Variants in TOP2A observed in about 807,000 individuals in gnomAD.
TOP2A encodes the protein DNA topoisomerase 2-alpha.
Under a neutral mutation model 187.2 loss-of-function variants are expected in TOP2A, and 68 were observed. That is an observed-to-expected ratio of 0.36 (90% CI 0.30 to 0.44). The LOEUF is 0.44. TOP2A is among the 20% of genes least tolerant of loss of function. The pLI, the probability that TOP2A is intolerant of heterozygous loss-of-function variation, is 1.00. For synonymous variants in TOP2A, 542 were observed against 593.2 expected, an observed-to-expected ratio of 0.91 and a Z score of 1.25; for missense variants, 1,196 against 1,808.7, an observed-to-expected ratio of 0.66 and a Z score of 6.14.
In TOP2A at chr17:40,396,378, C is replaced by T. The variant is rs762498516; in HGVS notation, c.3625G>A (p.Glu1209Lys). Reference protein sequence around the residue: ...KAKGKKTQMAEVLPSPRGQRV... With the variant: ...KAKGKKTQMAKVLPSPRGQRV... ...TGACCACGCGGAGAAGGCAAAACTTCAGCCATTTGTGTTTTTTTCCCCTTG... is the reference window on the plus strand; with the variant it reads ...TGACCACGCGGAGAAGGCAAAACTTTAGCCATTTGTGTTTTTTTCCCCTTG... Residue 1209 changes from glutamate (E) to lysine (K), a missense_variant, in exon 28 of 35, where the codon GAA (glutamate) becomes AAA (lysine). By Grantham distance (56) the Glu-to-Lys change is moderately conservative (BLOSUM62 1). This residue lies in a region of TOP2A where 374 missense variants were observed against 403.3 expected (regional missense o/e 0.93). Transcript: ENST00000423485. 14 of 1,613,880 alleles carry T rather than the reference C, an allele frequency of 8.7e-6. No homozygotes were observed. Among genetic ancestry groups the T allele is most frequent in the Middle Eastern group, 1.6e-4 (1 of 6,084 alleles).
rs187725780 is a variant in TOP2A at position 40,410,235 on chromosome 17, C to T, written c.1203+874G>A. Among the ~76,000 whole-genome samples the T allele has an allele frequency of 2.0e-5, 3 of 152,142 alleles. No homozygotes were observed. The East Asian group carries it at 5.8e-4, about 29-fold the overall frequency. Reference sequence around the variant, plus strand: ...AGTAAAGGCTTTCCTGAGGAAAGGACAAGACCTAAAGTAGCCAGGTGAAAA... The same window carrying T: ...AGTAAAGGCTTTCCTGAGGAAAGGATAAGACCTAAAGTAGCCAGGTGAAAA... On this transcript the variant is annotated intron_variant, in intron 10 of 34. Transcript: ENST00000423485.
intron 19 of TOP2A, among the ~76,000 whole-genome samples, chr17:40,403,348 A>T (rs1293752054): frequency 3.3e-5 from 5 of 152,190 alleles, no homozygotes; most frequent in Non-Finnish European, 7.3e-5. Flanking sequence ...GTTCATTTCT[A>T]TTCTAGCATG....
intron 12 of TOP2A, 29 bp from the exon 13 acceptor site, chr17:40,407,703 T>C: frequency 6.5e-7 from 1 of 1,540,786 alleles, no homozygotes; most frequent in Non-Finnish European, 8.7e-7. Flanking sequence ...AAAAAAAGCA[T>C]CGTTTATAAA....
chr17:40,397,051 T>TA (rs1327452891), intron 27 of TOP2A, among the ~76,000 whole-genome samples: 2 of 151,472 alleles, frequency 1.3e-5, no homozygotes, highest in African/African-American at 2.4e-5. Flanking sequence ...CCTGGCTATT[T>TA]AAAAAAAACA....
At position 40,396,315 on chromosome 17, in the gene TOP2A, C is replaced by G. The variant is rs757160871; in HGVS notation, c.3688G>C (p.Glu1230Gln). Residue 1230 changes from glutamate (E) to glutamine (Q), a missense_variant, in exon 28 of 35, where the codon GAG (glutamate) becomes CAG (glutamine). Physicochemically the swap from Glu to Gln is conservative, Grantham distance 29 (BLOSUM62 2). Transcript: ENST00000423485. ...IPRITIEMKAEAEKKNKKKIK... is the reference protein window; with the variant it reads ...IPRITIEMKAQAEKKNKKKIK... Reference sequence around the variant, plus strand: ...TTCTTTTTATTTTTCTTTTCTGCCTCTGCTTTCATTTCTATGGTTATTCGT... The same window carrying G: ...TTCTTTTTATTTTTCTTTTCTGCCTGTGCTTTCATTTCTATGGTTATTCGT... The G allele has an allele frequency of 6.2e-7, 1 of 1,607,996 alleles. No individual in the cohort carries two copies. Among genetic ancestry groups the G allele is most frequent in the South Asian group, 1.1e-5 (1 of 90,900 alleles).
intron 10 of TOP2A, 94 bp from the exon 11 acceptor site, chr17:40,408,724 A>C (rs1029423823): frequency 7.5e-7 from 1 of 1,330,798 alleles, no homozygotes; most frequent in Admixed American, 1.8e-5. Context: ...ACAAATAAAA[A>C]TGATTCAAAA....
At chr17:40,396,609 A>C in intron 27 of TOP2A, 144 bp from the exon 28 acceptor site, 3 of 1,000,744 alleles carry the variant, frequency 3.0e-6, no homozygotes, top group African/African-American at 1.6e-5. Context: ...ACTATCAACA[A>C]TAGTGAAGAT....
chr17:40,417,462 G>A, intron 1 of TOP2A: 1 of 1,116,244 alleles, frequency 9.0e-7, no homozygotes, highest in South Asian at 1.8e-5. Flanking sequence ...GAAAGCATCT[G>A]TACGCGCGAC....
chr17:40,397,039 T>A (rs964988405), intron 27 of TOP2A, among the ~76,000 whole-genome samples: 1 of 151,766 alleles, frequency 6.6e-6, no homozygotes, highest in African/African-American at 2.4e-5. Context: ...CACACCACCA[T>A]GCCTGGCTAT....
intron 33 of TOP2A, chr17:40,391,209 C>G (rs190712613): frequency 4.0e-6 from 1 of 250,200 alleles, no homozygotes; most frequent in East Asian, 1.0e-4. Context: ...GCATGAGCCA[C>G]TCTGCCTGGC....
At chr17:40,408,887 G>A (rs747213129) in intron 10 of TOP2A, 11 of 583,264 alleles carry the variant, frequency 1.9e-5, no homozygotes, top group South Asian at 1.5e-4. Context: ...GCTACTTGTT[G>A]GAGATATAGT....
chr17:40,399,050 G>A lies in TOP2A; in HGVS notation c.3278C>T (p.Ala1093Val), dbSNP rs2143643442. Residue 1093 changes from alanine (A) to valine (V), a missense_variant, in exon 25 of 35, where the codon GCC becomes GTC. By Grantham distance (64) the Ala-to-Val change is moderately conservative (BLOSUM62 0). Transcript: ENST00000423485. ...DSDPVKAWKE[A>V]QQKVPDEEEN... ...GCCACCCAAGATTACCTTTTGCTGG[G>A]CTTCTTTCCAGGCCTTCACAGGATC... The A allele has an allele frequency of 6.3e-7, 1 of 1,591,612 alleles. No homozygotes were observed.
rs2143658945 is a variant in TOP2A, at chr17:40,404,603, TA to T, written c.2047-113del. 18 of 736,970 alleles carry T rather than the reference TA, an allele frequency of 2.4e-5. No individual in the cohort carries two copies. In the South Asian group the frequency reaches 3.4e-4, roughly 14 times the overall value. The allele number at this position is 736,970 out of a possible 1,614,324, so 45.7% of individuals were successfully genotyped here. ...ATTATTTCTGTAATTCTTAAGTCTT[TA>T]AAAAATATTGAATAATACAGAAATA... On this transcript the variant is annotated intron_variant, in intron 17 of 34. Coordinates refer to ENST00000423485, the MANE Select transcript of TOP2A (RefSeq NM_001067.4).
chr17:40,401,734 C>G (rs1252337103), intron 20 of TOP2A, among the ~76,000 whole-genome samples: 1 of 151,700 alleles, frequency 6.6e-6, no homozygotes. Context: ...CAACAAAAAA[C>G]AAACTGAGGG....
Position 40,389,400 on chromosome 17 carries a change from T to G in TOP2A, c.*119A>C. On this transcript the variant is annotated 3_prime_UTR_variant, in exon 35 of 35. Transcript: ENST00000423485. ...TGGGCTTTACTTCACTTTGATGTCT[T>G]GTACTAAAAACACCTTCCCCAAACT... 1 of 1,175,004 alleles carries G rather than the reference T, an allele frequency of 8.5e-7. No individual in the cohort carries two copies. Among genetic ancestry groups the G allele is most frequent in the East Asian group, 2.6e-5 (1 of 38,592 alleles). 72.8% of individuals were successfully genotyped at this position (1,175,004 alleles called of 1,614,324 possible). A position where few individuals can be genotyped will look rare whatever the true frequency, so the allele number is the denominator to read the frequency against.
intron 34 of TOP2A, 98 bp from the exon 35 acceptor site, chr17:40,389,745 C>T: frequency 1.0e-5 from 15 of 1,434,868 alleles, no homozygotes; most frequent in Non-Finnish European, 1.4e-5. Flanking sequence ...AAGGAGTTTT[C>T]TATTTTCTAC....
In TOP2A at chr17:40,404,162, T is replaced by C; in HGVS notation, c.2273A>G (p.His758Arg). The change falls in exon 19 of 35, where the codon CAT becomes CGT. Residue 758 changes from histidine (H) to arginine (R), a missense_variant. Coordinates refer to ENST00000423485, the MANE Select transcript of TOP2A (RefSeq NM_001067.4). The stretch of plus-strand genomic sequence containing the variant: ...GGATTGTGTGTTTACCTCACCATGA[T>C]GATAAGAAGACATTTCAGCCACTGA... ...AGSVAEMSSY[H>R]HGEMSLMMTI... The C allele has an allele frequency of 1.2e-6, 2 of 1,613,570 alleles. No homozygotes were observed. Among genetic ancestry groups the C allele is most frequent in the Non-Finnish European group, 1.7e-6 (2 of 1,179,774 alleles).
In TOP2A at chr17:40,403,067, A is replaced by G; in HGVS notation, c.2284-13T>C. On this transcript the variant is annotated splice_polypyrimidine_tract_variant and intron_variant, in intron 19 of 34. Transcript: ENST00000423485. Reference sequence around the variant, plus strand: ...TCATTAGTGACATCTGTGGGGAAAAAAAGATTCATTAAGCTGAGGCTTTTA... The same window carrying G: ...TCATTAGTGACATCTGTGGGGAAAAGAAGATTCATTAAGCTGAGGCTTTTA... 6.3e-7 allele frequency: 1 copy of G among 1,585,640 alleles called. No individual in the cohort carries two copies. The highest frequency in any genetic ancestry group is 1.1e-5 in the South Asian group (1 of 87,326).
At chr17:40,389,864 A>G in intron 34 of TOP2A, 101 bp downstream of exon 34, 1 of 1,301,462 alleles carries the variant, frequency 7.7e-7, no homozygotes, top group Non-Finnish European at 1.0e-6. Flanking sequence ...AGAATATGAG[A>G]GTTAATTTTC....
Sources: allele counts gnomAD v4.1 joint callset (sites outside exome capture counted in the v4.1 genomes callset), GRCh38; gene constraint gnomAD v4.1.1; regional missense constraint gnomAD v4.1.1; transcripts MANE v1.5; gene names NCBI Gene and HGNC (gene_info 2026-07-23, HGNC 2026-07-21).